The following C6 variants were observed in gnomAD, a reference collection of about 807,000 sequenced individuals.
C6 encodes the protein complement component C6.
C6 carries 101 observed loss-of-function variants against 112.9 expected under a neutral mutation model. The observed-to-expected ratio is 0.89, with a 90% confidence interval of 0.76 to 1.06. C6 has a LOEUF of 1.06. Ranked by LOEUF, C6 falls within the 50% of genes least tolerant of loss-of-function variation. The probability of loss-of-function intolerance (pLI) is 0.00; values close to 1 mark genes in which losing one functional copy is unlikely to be tolerated. For synonymous variants in C6, 431 were observed against 384.1 expected, an observed-to-expected ratio of 1.12 and a Z score of -1.43; for missense variants, 1,202 against 1,104.6, an observed-to-expected ratio of 1.09 and a Z score of -1.25.
chr5:41,224,840 C>T (rs948433415), intron 1 of C6, among the ~76,000 whole-genome samples: 4 of 152,170 alleles, frequency 2.6e-5, no homozygotes, highest in East Asian at 1.9e-4. Context: ...TTTTCTGTAG[C>T]GATTGCACCA....
At chr5:41,184,125 A>G in intron 6 of C6, among the ~76,000 whole-genome samples, 1 of 143,790 alleles carries the variant, frequency 7.0e-6, no homozygotes, top group East Asian at 1.9e-4. Flanking sequence ...TGAATCTAAA[A>G]TGAAAGTTGA....
At chr5:41,172,467 A>T in intron 8 of C6, 120 bp from the exon 9 acceptor site, 1 of 948,086 alleles carries the variant, frequency 1.1e-6, no homozygotes, top group Admixed American at 2.0e-5. Flanking sequence ...TCTCTTCCCC[A>T]GTCCCCATAA....
At chr5:41,249,594 G>C (rs1741221090) in intron 1 of C6, among the ~76,000 whole-genome samples, 1 of 152,170 alleles carries the variant, frequency 6.6e-6, no homozygotes, top group African/African-American at 2.4e-5. Context: ...ATTAATGTTA[G>C]GGATTAGCCA....
At chr5:41,247,380 C>G (rs989194389) in intron 1 of C6, among the ~76,000 whole-genome samples, 1 of 151,994 alleles carries the variant, frequency 6.6e-6, no homozygotes, top group Non-Finnish European at 1.5e-5. Flanking sequence ...CATTACTATA[C>G]ATTAATAATG....
At chr5:41,228,190 T>C (rs982223353) in intron 1 of C6, among the ~76,000 whole-genome samples, 7 of 152,122 alleles carry the variant, frequency 4.6e-5, no homozygotes, top group African/African-American at 1.7e-4. Context: ...TACCTCCTTG[T>C]TTAACTTCAT....
Position 41,195,797 on chromosome 5 carries a change from G to A in C6, c.582C>T (p.Gly194=). 6.2e-7 allele frequency: 1 copy of A among 1,613,484 alleles called. No homozygotes were observed. Among genetic ancestry groups the A allele is most frequent in the Non-Finnish European group, 8.5e-7 (1 of 1,179,746 alleles). The part of the protein sequence containing the change: ...YNPIPSVQLM[G]NGFHFLAGEP... ...GATAAAAAGATGTTACATACCCATTGCCCATCAACTGTACACTAGGGATGG... is the reference window on the plus strand; with the variant it reads ...GATAAAAAGATGTTACATACCCATTACCCATCAACTGTACACTAGGGATGG... Residue 194 remains glycine (G), a synonymous_variant, in exon 5 of 18, where the codon GGC becomes GGT. Coordinates refer to ENST00000337836, the MANE Select transcript of C6 (RefSeq NM_000065.5).
chr5:41,200,027 A>T, intron 3 of C6, 115 bp from the exon 4 acceptor site: 1 of 897,386 alleles, frequency 1.1e-6, no homozygotes, highest in Non-Finnish European at 1.8e-6. Context: ...AATATTTCTT[A>T]TATTTTTACT....
chr5:41,142,724 G>A lies in C6; in HGVS notation c.*101C>T, dbSNP rs1745460494. The A allele has an allele frequency of 2.2e-6, 2 of 919,370 alleles. No individual in the cohort carries two copies. Among genetic ancestry groups the A allele is most frequent in the East Asian group, 2.4e-5 (1 of 41,084 alleles). The allele number at this position is 919,370 out of a possible 1,614,324, so 57.0% of individuals were successfully genotyped here. On this transcript the variant is annotated 3_prime_UTR_variant, in exon 18 of 18. Coordinates refer to ENST00000337836, the MANE Select transcript of C6 (RefSeq NM_000065.5). Reference sequence around the variant, plus strand: ...GAAAATAATTTTTGTCAGTAACTTTGAGCATGCCAGTCTGCTGTTTGTGCA... The same window carrying A: ...GAAAATAATTTTTGTCAGTAACTTTAAGCATGCCAGTCTGCTGTTTGTGCA...
chr5:41,246,962 T>G (rs1741058491), intron 1 of C6, among the ~76,000 whole-genome samples: 2 of 152,198 alleles, frequency 1.3e-5, no homozygotes, highest in African/African-American at 4.8e-5. Context: ...GTTAAATCTG[T>G]GCAATAATGA....
At chr5:41,161,633 C>T in intron 10 of C6, 60 bp downstream of exon 10, 6 of 1,310,958 alleles carry the variant, frequency 4.6e-6, no homozygotes, top group Non-Finnish European at 6.6e-6. Flanking sequence ...GTGTGATGTG[C>T]AATTTGGGCT....
In C6 at chr5:41,161,827, A is replaced by G. The variant is rs1286347275; in HGVS notation, c.1324T>C (p.Ser442Pro). 13 of 1,613,546 alleles carry G rather than the reference A, an allele frequency of 8.1e-6. No homozygotes were observed. Among genetic ancestry groups the G allele is most frequent in the East Asian group, 2.2e-5 (1 of 44,846 alleles). The change falls in exon 10 of 18, where the codon TCC becomes CCC. Residue 442 changes from serine (S) to proline (P), a missense_variant. Physicochemically the swap from Ser to Pro is moderately conservative, Grantham distance 74. Transcript: ENST00000337836. ...TCACTCCTTCCACCTCGAATCAGGG[A>G]TATGGATTTCTCTGCTCCCTGTATA... ...SFIQGAEKSI[S>P]LIRGGRSEYG...
At chr5:41,159,036 A>T in intron 12 of C6, 46 bp downstream of exon 12, 2 of 1,597,362 alleles carry the variant, frequency 1.3e-6, no homozygotes, top group African/African-American at 1.3e-5. Context: ...AATGTTATTG[A>T]GAGTTAGGGC....
intron 5 of C6, 23 bp downstream of exon 5, chr5:41,195,769 G>T (rs753475112): frequency 6.2e-7 from 1 of 1,611,326 alleles, no homozygotes; most frequent in Non-Finnish European, 8.5e-7. Flanking sequence ...TTCTCCCCAA[G>T]ATGATAAAAA....
intron 1 of C6, among the ~76,000 whole-genome samples, chr5:41,246,552 C>T (rs1178236810): frequency 8.5e-5 from 13 of 152,140 alleles, no homozygotes; most frequent in East Asian, 1.9e-4. Context: ...GTTACATCAG[C>T]GTGACAGCAC....
intron 1 of C6, among the ~76,000 whole-genome samples, chr5:41,241,111 G>A (rs1740684487): frequency 1.3e-5 from 2 of 152,148 alleles, no homozygotes; most frequent in Admixed American, 1.3e-4. Context: ...GCTGTGGTGG[G>A]CAAAGTGGGG....
At chr5:41,254,387 C>G (rs989011349) in intron 1 of C6, among the ~76,000 whole-genome samples, 8 of 152,050 alleles carry the variant, frequency 5.3e-5, no homozygotes, top group African/African-American at 1.9e-4. Flanking sequence ...GCCTGGGCAA[C>G]AGAGCAAGAC....
In C6 at chr5:41,159,211, G is replaced by T; in HGVS notation, c.1727C>A (p.Thr576Asn). 1.2e-6 allele frequency: 2 copies of T among 1,613,288 alleles called. No homozygotes were observed. The highest frequency in any genetic ancestry group is 2.2e-5 in the South Asian group (2 of 91,068). ...GQWGCWSSWS[T>N]CDATYKRSRT... ...CGATCTCTTATAAGTAGCATCACAG[G>T]TACTCCAGGAAGACCAACAACCCCA... The change falls in exon 12 of 18, where the codon ACC becomes AAC. Residue 576 changes from threonine to asparagine, a missense_variant. Physicochemically the swap from Thr to Asn is moderately conservative, Grantham distance 65. Transcript: ENST00000337836.
rs1746168165 is a variant in C6 at position 41,149,441 on chromosome 5, T to C, written c.2423A>G (p.Asn808Ser). 9 of 1,613,936 alleles carry C rather than the reference T, an allele frequency of 5.6e-6. No homozygotes were observed. The highest frequency in any genetic ancestry group is 2.2e-5 in the East Asian group (1 of 44,886). Residue 808 changes from asparagine (N) to serine (S), a missense_variant, in exon 17 of 18, where the codon AAC (asparagine) becomes AGC (serine). By Grantham distance (46) the Asn-to-Ser change is conservative. Transcript: ENST00000337836. ...ACAAGCGGGTGAAGTAAAGTAATCG[T>C]TGGAGTCTGTGTCAAACACACAGAG... is the stretch of plus-strand genomic sequence containing the variant. ...EDLCVFDTDS[N>S]DYFTSPACKF...
chr5:41,181,327 AAG>A, intron 7 of C6, 30 bp downstream of exon 7: 1 of 1,584,214 alleles, frequency 6.3e-7, no homozygotes, highest in Non-Finnish European at 8.7e-7. Context: ...ATTTTCAAGA[AAG>A]AATAAAAGGT....
Sources: gnomAD v4.1 joint callset for allele counts (sites outside exome capture counted in the v4.1 genomes callset) on GRCh38, gnomAD v4.1.1 for gene constraint, MANE v1.5 for transcripts, NCBI Gene and HGNC (gene_info 2026-07-23, HGNC 2026-07-21) for gene names.